The following TRIB2 variants were observed in gnomAD, a reference collection of about 807,000 sequenced individuals.
TRIB2 encodes the protein tribbles homolog 2.
TRIB2 carries 2 observed loss-of-function variants against 26.8 expected under a neutral mutation model. The ratio of observed to expected loss-of-function variants is 0.07; its 90% CI spans 0.03 to 0.24. TRIB2 has a LOEUF of 0.24. Among genes scored for constraint, TRIB2 ranks in the 10% least tolerant of loss-of-function variants. The pLI is 1.00. For missense variants in TRIB2, 306 were observed against 449.0 expected (o/e 0.68, Z 2.88); for synonymous variants, 189 against 187.3 (o/e 1.01, Z -0.08).
At chr2:12,725,647 C>T (rs943610532) in intron 2 of TRIB2, among the ~76,000 whole-genome samples, 4 of 152,204 alleles carry the variant, frequency 2.6e-5, no homozygotes, top group Admixed American at 1.3e-4. Flanking sequence ...GTTTGACTTT[C>T]GCGAAAGAGC....
At chr2:12,724,459 G>A (rs946132506) in intron 2 of TRIB2, among the ~76,000 whole-genome samples, 1 of 152,206 alleles carries the variant, frequency 6.6e-6, no homozygotes, top group African/African-American at 2.4e-5. Flanking sequence ...CAACAAATCT[G>A]TATTCATTGC....
chr2:12,730,051 A>G (rs992787624), intron 2 of TRIB2, among the ~76,000 whole-genome samples: 1 of 152,174 alleles, frequency 6.6e-6, no homozygotes, highest in Non-Finnish European at 1.5e-5. Context: ...TTGAGCATCT[A>G]TTATGTGCCA....
chr2:12,727,405 T>C (rs1661359661), intron 2 of TRIB2, among the ~76,000 whole-genome samples: 1 of 152,108 alleles, frequency 6.6e-6, no homozygotes, highest in African/African-American at 2.4e-5. Flanking sequence ...CAGTGAAGAG[T>C]GGCACCCTTG....
intron 2 of TRIB2, among the ~76,000 whole-genome samples, chr2:12,726,474 G>C (rs1306323289): frequency 6.6e-6 from 1 of 152,200 alleles, no homozygotes; most frequent in Admixed American, 6.5e-5. Context: ...AGGGGCCCAG[G>C]ACCTCATTGG....
rs947978296 is a variant in TRIB2 at position 12,732,387 on chromosome 2, C to G, written c.564-7939C>G. On this transcript the variant is annotated intron_variant, in intron 2 of 2. Coordinates refer to ENST00000155926, the MANE Select transcript of TRIB2 (RefSeq NM_021643.4). This position sits in a 1 kb window ranked among gnomAD's most constrained non-coding sequence, Gnocchi z 4.2. ...GCTGCTGTAGTCTCCTGCATCAAAT[C>G]GGTGTGGGCACACCCACCTTCCAGA... is the stretch of plus-strand genomic sequence containing the variant. Among the ~76,000 whole-genome samples, 1 of 152,158 alleles carries G rather than the reference C, an allele frequency of 6.6e-6. No individual in the cohort carries two copies. Among genetic ancestry groups the G allele is most frequent in the Non-Finnish European group, 1.5e-5 (1 of 68,022 alleles).
At chr2:12,730,692 C>G (rs1387523858) in intron 2 of TRIB2, among the ~76,000 whole-genome samples, 4 of 152,156 alleles carry the variant, frequency 2.6e-5, no homozygotes. Flanking sequence ...CTGGACTTAG[C>G]AGTACTTAGG....
Position 12,717,484 on chromosome 2 carries a change from G to A in TRIB2, c.-824G>A. On this transcript the variant is annotated 5_prime_UTR_variant, in exon 1 of 3. Coordinates refer to ENST00000155926, the MANE Select transcript of TRIB2 (RefSeq NM_021643.4). The surrounding 1 kb of genome is among the most constrained non-coding windows in gnomAD (Gnocchi z 4.8). ...AGCCTGTGCTGACCTCCGCGCGGCG[G>A]GCCGAGCCCAGGGCTTTGTCGCGGT... is the stretch of plus-strand genomic sequence containing the variant. 2.5e-6 allele frequency: 1 copy of A among 398,446 alleles called. No homozygotes were observed. The highest frequency in any genetic ancestry group is 3.6e-5 in the East Asian group (1 of 28,074). The allele number at this position is 398,446 out of a possible 1,614,324, so 24.7% of individuals were successfully genotyped here. A position where few individuals can be genotyped will look rare whatever the true frequency, so the allele number is the denominator to read the frequency against.
intron 1 of TRIB2, among the ~76,000 whole-genome samples, chr2:12,719,373 C>T (rs779737451): frequency 1.3e-5 from 2 of 151,968 alleles, no homozygotes; most frequent in Non-Finnish European, 2.9e-5. Context: ...CTTCGGTTTC[C>T]TTTTTTGTCT....
chr2:12,717,684 A>C lies in TRIB2; in HGVS notation c.-624A>C. ...GCCTCAGACGCCATCTACAGTTAAA[A>C]CGTAGGTAACTGCCCTCTCCCGCAC... On this transcript the variant is annotated 5_prime_UTR_variant, in exon 1 of 3. Coordinates refer to ENST00000155926, the MANE Select transcript of TRIB2 (RefSeq NM_021643.4). The surrounding 1 kb of genome is among the most constrained non-coding windows in gnomAD (Gnocchi z 4.8). The C allele has an allele frequency of 2.6e-6, 1 of 391,330 alleles. No individual in the cohort carries two copies. Among genetic ancestry groups the C allele is most frequent in the East Asian group, 3.6e-5 (1 of 27,668 alleles). 24.2% of individuals were successfully genotyped at this position (391,330 alleles called of 1,614,324 possible).
rs140608739 is a variant in TRIB2 at position 12,718,427 on chromosome 2, C to G, written c.120C>G (p.Ser40Arg). 1.2e-6 allele frequency: 2 copies of G among 1,614,134 alleles called. No individual in the cohort carries two copies. The highest frequency in any genetic ancestry group is 1.7e-6 in the Non-Finnish European group (2 of 1,180,052). Residue 40 changes from serine (S) to arginine (R), a missense_variant, in exon 1 of 3, where the codon AGC becomes AGG. Transcript: ENST00000155926. The surrounding 1 kb of genome is among the most constrained non-coding windows in gnomAD (Gnocchi z 4.0). ...IRSAEPSQSF[S>R]PNLGSPSPPE... Reference sequence around the variant, plus strand: ...CCGCGGAGCCCAGCCAGAGTTTCAGCCCGAACCTCGGCTCCCCGAGCCCGC... The same window carrying G: ...CCGCGGAGCCCAGCCAGAGTTTCAGGCCGAACCTCGGCTCCCCGAGCCCGC...
In TRIB2 at chr2:12,724,443, C is replaced by T. The variant is rs1316019786; in HGVS notation, c.563+891C>T. ...TTTTAAGAATATGAGTTTAGAGGGA[C>T]AGAGGCAACAAATCTGTATTCATTG... On this transcript the variant is annotated intron_variant, in intron 2 of 2. Coordinates refer to ENST00000155926, the MANE Select transcript of TRIB2 (RefSeq NM_021643.4). Among the ~76,000 whole-genome samples the T allele has an allele frequency of 3.9e-5, 6 of 152,188 alleles. No individual in the cohort carries two copies. The South Asian group carries it at 1.2e-3, about 32-fold the overall frequency.
At position 12,718,620 on chromosome 2, in the gene TRIB2, G is replaced by C. The variant is rs1250673693; in HGVS notation, c.270+43G>C. The C allele has an allele frequency of 6.3e-7, 1 of 1,591,266 alleles. No individual in the cohort carries two copies. Among genetic ancestry groups the C allele is most frequent in the Admixed American group, 1.7e-5 (1 of 58,446 alleles). On this transcript the variant is annotated intron_variant, in intron 1 of 2. Coordinates refer to ENST00000155926, the MANE Select transcript of TRIB2 (RefSeq NM_021643.4). The surrounding 1 kb of genome is among the most constrained non-coding windows in gnomAD (Gnocchi z 4.0). ...TGCTTTTTGTCTTTGGAAGGGGCCCGAGGGAGCGGGAGGGCGCCAGGCCCT... is the reference window on the plus strand; with the variant it reads ...TGCTTTTTGTCTTTGGAAGGGGCCCCAGGGAGCGGGAGGGCGCCAGGCCCT...
intron 2 of TRIB2, chr2:12,724,941 T>G: frequency 7.1e-7 from 1 of 1,413,576 alleles, no homozygotes; most frequent in African/African-American, 1.4e-5. Context: ...CCTACAAAAA[T>G]AAGAGGTCAT....
chr2:12,728,399 C>G (rs1661379394), intron 2 of TRIB2, among the ~76,000 whole-genome samples: 1 of 152,202 alleles, frequency 6.6e-6, no homozygotes. Flanking sequence ...GCCCTTTGAG[C>G]AGGTGCACCC....
In TRIB2 at chr2:12,741,528, T is replaced by G. The variant is rs1221998412; in HGVS notation, c.*734T>G. The G allele has an allele frequency of 6.6e-6, 1 of 152,226 alleles. No homozygotes were observed. The highest frequency in any genetic ancestry group is 1.9e-4 in the East Asian group (1 of 5,194). The allele number at this position is 152,226 out of a possible 1,614,324, so 9.4% of individuals were successfully genotyped here. Reference sequence around the variant, plus strand: ...AGCTATTAGAAGTCAAACGTCCAGATGCATTACTGCTATCTTAGTTTAAAG... The same window carrying G: ...AGCTATTAGAAGTCAAACGTCCAGAGGCATTACTGCTATCTTAGTTTAAAG... On this transcript the variant is annotated 3_prime_UTR_variant, in exon 3 of 3. Coordinates refer to ENST00000155926, the MANE Select transcript of TRIB2 (RefSeq NM_021643.4).
At chr2:12,737,818 A>G (rs1661615668) in intron 2 of TRIB2, among the ~76,000 whole-genome samples, 1 of 152,180 alleles carries the variant, frequency 6.6e-6, no homozygotes, top group South Asian at 2.1e-4. Context: ...ATGGTTTAAG[A>G]TGGTACATGT....
rs147226548 is a variant in TRIB2, at chr2:12,718,379, C to A, written c.72C>A (p.Phe24Leu). The A allele has an allele frequency of 2.1e-4, 332 of 1,614,094 alleles. No individual in the cohort carries two copies. Among genetic ancestry groups the A allele is most frequent in the Non-Finnish European group, 2.7e-4 (320 of 1,180,054 alleles). Residue 24 changes from phenylalanine (F) to leucine (L), a missense_variant, in exon 1 of 3, where the codon TTC (phenylalanine) becomes TTA (leucine). Physicochemically the swap from Phe to Leu is conservative, Grantham distance 22. Around this residue, in one of 4 missense-constraint regions of TRIB2, gnomAD observed 99 missense variants for 106.5 expected, o/e 0.93. Coordinates refer to ENST00000155926, the MANE Select transcript of TRIB2 (RefSeq NM_021643.4). The surrounding 1 kb of genome is among the most constrained non-coding windows in gnomAD (Gnocchi z 4.0). ...GATCGCGGAACAAAACCCAGGATTT[C>A]GAAGAGTTGTCGTCTATAAGGTCCG... ...YGRSRNKTQD[F>L]EELSSIRSAE...
chr2:12,735,699 C>A (rs1335081394), intron 2 of TRIB2, among the ~76,000 whole-genome samples: 1 of 152,114 alleles, frequency 6.6e-6, no homozygotes, highest in Non-Finnish European at 1.5e-5. Context: ...ATTTTCAAGG[C>A]CTGATCTTGA....
chr2:12,728,197 A>G lies in TRIB2; in HGVS notation c.563+4645A>G, dbSNP rs1386375023. On this transcript the variant is annotated intron_variant, in intron 2 of 2. Coordinates refer to ENST00000155926, the MANE Select transcript of TRIB2 (RefSeq NM_021643.4). ...TGGAAATAACAACATGGCTTCCATC[A>G]TGGAATTAAATGTATTAATACAAGG... Among the ~76,000 whole-genome samples, 6 of 152,340 alleles carry G rather than the reference A, an allele frequency of 3.9e-5. No individual in the cohort carries two copies. In the East Asian group the frequency reaches 7.7e-4, roughly 20 times the overall value.
Sources: gnomAD v4.1 joint callset for allele counts (sites outside exome capture counted in the v4.1 genomes callset) on GRCh38, gnomAD v4.1.1 for gene constraint, gnomAD v4.1.1 regional missense constraint, Gnocchi (gnomAD v3.1) non-coding constraint, MANE v1.5 for transcripts, NCBI Gene and HGNC (gene_info 2026-07-23, HGNC 2026-07-21) for gene names.